The following TENM3 variants were observed in gnomAD, a reference collection of about 807,000 sequenced individuals.
The protein encoded by TENM3 is teneurin transmembrane protein 3, also known as teneurin-3.
TENM3 carries 63 observed loss-of-function variants against 255.1 expected under a neutral mutation model. The ratio of observed to expected loss-of-function variants is 0.25; its 90% CI spans 0.20 to 0.30. The LOEUF (loss-of-function observed/expected upper bound fraction) is 0.30, where lower values mean the gene tolerates loss of function less well. Ranked by LOEUF, TENM3 falls within the 10% of genes least tolerant of loss-of-function variation. The pLI is 1.00. For synonymous variants in TENM3, 1,306 were observed against 1,322.3 expected (o/e 0.99, Z 0.27); for missense variants, 2,929 against 3,461.1 (o/e 0.85, Z 3.86).
chr4:181,878,168 C>T, the TENM3 span, among the ~76,000 whole-genome samples: 1 of 152,110 alleles, frequency 6.6e-6, no homozygotes, highest in African/African-American at 2.4e-5. Flanking sequence ...AATGACTGAA[C>T]CTAGTTTGAG....
the TENM3 span, among the ~76,000 whole-genome samples, chr4:181,491,856 A>T: frequency 6.6e-6 from 1 of 152,272 alleles, no homozygotes; most frequent in South Asian, 2.1e-4. Context: ...GTATTCTGAC[A>T]GTTGGCCTTA....
chr4:181,517,724 C>G, the TENM3 span, among the ~76,000 whole-genome samples: 2 of 152,178 alleles, frequency 1.3e-5, no homozygotes, highest in Non-Finnish European at 2.9e-5. Flanking sequence ...CTGAATGATT[C>G]ACACACGCTA....
chr4:181,849,663 A>C, the TENM3 span, among the ~76,000 whole-genome samples: 1 of 152,208 alleles, frequency 6.6e-6, no homozygotes, highest in Admixed American at 6.5e-5. Context: ...TCATCCTTCA[A>C]GTTGATGTAT....
the TENM3 span, among the ~76,000 whole-genome samples, chr4:182,022,398 G>A: frequency 1.3e-5 from 2 of 152,250 alleles, no homozygotes; most frequent in African/African-American, 4.8e-5. Context: ...GTTAAAAGGA[G>A]GGAAGTGGGG....
intron 6 of TENM3, among the ~76,000 whole-genome samples, chr4:182,669,655 T>C (rs1291241012): frequency 6.6e-6 from 1 of 152,198 alleles, no homozygotes; most frequent in Admixed American, 6.5e-5. Context: ...AAGTATATTC[T>C]CTAGGGTGGT....
chr4:181,593,889 C>A, the TENM3 span, among the ~76,000 whole-genome samples: 1 of 151,884 alleles, frequency 6.6e-6, no homozygotes, highest in African/African-American at 2.4e-5. Context: ...TAGATTAAAT[C>A]TTTAAATGCT....
At chr4:182,066,775 G>T in the TENM3 span, among the ~76,000 whole-genome samples, 2 of 151,876 alleles carry the variant, frequency 1.3e-5, no homozygotes, top group Non-Finnish European at 2.9e-5. Flanking sequence ...GCCGGGCGTG[G>T]TGGCAGGCGC....
the TENM3 span, among the ~76,000 whole-genome samples, chr4:181,467,123 ATATTTTTT>A: frequency 1.4e-3 from 26 of 17,980 alleles, no homozygotes; most frequent in African/African-American, 2.5e-3. Flanking sequence ...ATATATATAT[ATATTTTTT>A]TTTTTTTTTT....
the TENM3 span, among the ~76,000 whole-genome samples, chr4:181,543,680 A>C: frequency 1.3e-5 from 2 of 152,204 alleles, no homozygotes; most frequent in Non-Finnish European, 2.9e-5. Flanking sequence ...ATCAATTATA[A>C]AACAGGCCCT....
chr4:182,648,817 C>G (rs1423872382), intron 5 of TENM3, among the ~76,000 whole-genome samples: 1 of 152,110 alleles, frequency 6.6e-6, no homozygotes, highest in Non-Finnish European at 1.5e-5. Context: ...TGAACTTATA[C>G]AGTATTCCCT....
chr4:181,973,362 A>G, the TENM3 span, among the ~76,000 whole-genome samples: 1 of 152,192 alleles, frequency 6.6e-6, no homozygotes, highest in African/African-American at 2.4e-5. Flanking sequence ...AGTAAATTAT[A>G]ACAAGTTAGA....
At chr4:182,713,068 A>C (rs566839553) in intron 12 of TENM3, among the ~76,000 whole-genome samples, 6 of 152,168 alleles carry the variant, frequency 3.9e-5, no homozygotes, top group African/African-American at 1.4e-4. Context: ...TGTTTTTTTT[A>C]AATGTCATGT....
At chr4:182,292,990 G>A (rs1761220653) in intron 1 of TENM3, among the ~76,000 whole-genome samples, 2 of 152,320 alleles carry the variant, frequency 1.3e-5, no homozygotes, top group East Asian at 1.9e-4. Flanking sequence ...CCGTCTGGGA[G>A]CTGGGCTTAT....
chr4:181,510,273 T>C, the TENM3 span, among the ~76,000 whole-genome samples: 1 of 152,192 alleles, frequency 6.6e-6, no homozygotes, highest in Non-Finnish European at 1.5e-5. Context: ...TTTAGGCCAT[T>C]TAAACCCAAA....
At chr4:181,674,884 T>C in the TENM3 span, among the ~76,000 whole-genome samples, 1 of 152,156 alleles carries the variant, frequency 6.6e-6, no homozygotes. Flanking sequence ...TGATCAAGTT[T>C]TCCCAAATTG....
intron 5 of TENM3, among the ~76,000 whole-genome samples, chr4:182,633,306 C>T (rs1467407053): frequency 6.6e-6 from 1 of 152,164 alleles, no homozygotes; most frequent in Non-Finnish European, 1.5e-5. Flanking sequence ...TTTAAGTTAA[C>T]ATTTTCTTGG....
At chr4:182,168,303 T>C (rs1027499684) in intron 1 of TENM3, among the ~76,000 whole-genome samples, 22 of 151,982 alleles carry the variant, frequency 1.4e-4, no homozygotes, top group Admixed American at 1.4e-3. Context: ...CCTGGATAAT[T>C]TTTCTATTTT....
chr4:181,949,538 C>A, the TENM3 span, among the ~76,000 whole-genome samples: 1 of 152,142 alleles, frequency 6.6e-6, no homozygotes, highest in Non-Finnish European at 1.5e-5. Flanking sequence ...TCACCTGCAC[C>A]TCTACCACCC....
chr4:182,642,931 A>T (rs1237737306), intron 5 of TENM3, among the ~76,000 whole-genome samples: 5 of 152,240 alleles, frequency 3.3e-5, no homozygotes, highest in Admixed American at 3.3e-4. Context: ...TTAATAACAA[A>T]TAATAATGAA....
Sources: allele counts gnomAD v4.1 joint callset (sites outside exome capture counted in the v4.1 genomes callset), GRCh38; gene constraint gnomAD v4.1.1; transcripts MANE v1.5; gene names NCBI Gene and HGNC (gene_info 2026-07-23, HGNC 2026-07-21).